SHISAL2A: variants seen among roughly 807,000 people sequenced by gnomAD.
SHISAL2A encodes protein shisa-like-2A.
A neutral mutation model predicts 11.5 loss-of-function variants in SHISAL2A; 18 were observed. The observed-to-expected ratio is 1.57, with a 90% confidence interval of 1.08 to 2.33. SHISAL2A has a LOEUF of 2.33. Among genes scored for constraint, SHISAL2A ranks in the 30% most tolerant of loss-of-function variants. SHISAL2A has a pLI of 0.00. For missense variants in SHISAL2A, 261 were observed against 250.9 expected (o/e 1.04, Z -0.27); for synonymous variants, 94 against 99.6 (o/e 0.94, Z 0.34).
intron 2 of SHISAL2A, among the ~76,000 whole-genome samples, chr1:52,650,804 C>T (rs1240761779): frequency 6.6e-6 from 1 of 151,634 alleles, no homozygotes; most frequent in Admixed American, 6.6e-5. Context: ...GCCACCACAC[C>T]CGGCTAATTT....
chr1:52,668,120 T>C (rs562893763), intron 5 of SHISAL2A, among the ~76,000 whole-genome samples: 1 of 152,322 alleles, frequency 6.6e-6, no homozygotes, highest in Admixed American at 6.5e-5. Context: ...AATTCTGTTC[T>C]CTCAAAATCA....
At chr1:52,654,655 A>G (rs1050594382) in intron 2 of SHISAL2A, among the ~76,000 whole-genome samples, 3 of 152,254 alleles carry the variant, frequency 2.0e-5, no homozygotes, top group Non-Finnish European at 2.9e-5. Context: ...ATCTCAAAAA[A>G]GATCTAAATG....
intron 2 of SHISAL2A, among the ~76,000 whole-genome samples, chr1:52,654,246 T>TAGAC (rs1288939670): frequency 6.6e-6 from 1 of 151,142 alleles, no homozygotes; most frequent in East Asian, 1.9e-4. Flanking sequence ...GATAGATAGA[T>TAGAC]AGATAGATAG....
At chr1:52,642,689 G>T (rs1015824195) in intron 1 of SHISAL2A, among the ~76,000 whole-genome samples, 174 bp from the exon 2 acceptor site, 4 of 152,156 alleles carry the variant, frequency 2.6e-5, no homozygotes, top group Non-Finnish European at 5.9e-5. Context: ...CTCCCAAATT[G>T]CTGGGATTAC....
chr1:52,668,278 C>A (rs986209011), intron 5 of SHISAL2A, among the ~76,000 whole-genome samples: 2 of 152,174 alleles, frequency 1.3e-5, no homozygotes, highest in East Asian at 1.9e-4. Flanking sequence ...GCCCAAAGAA[C>A]TGAACAGTCT....
chr1:52,668,652 C>T (rs1464660977), exon 6 of SHISAL2A: 1 of 152,258 alleles, frequency 6.6e-6, no homozygotes, highest in East Asian at 1.9e-4. Context: ...GAGTGAACGT[C>T]TAGGAGACCA....
intron 2 of SHISAL2A, among the ~76,000 whole-genome samples, chr1:52,653,286 CAAAAAAAAA>C (rs59878820): frequency 2.7e-5 from 1 of 36,440 alleles, no homozygotes; most frequent in African/African-American, 9.0e-5. Flanking sequence ...CCTGTCTCTA[CAAAAAAAAA>C]AAAAAAAAAA....
intron 1 of SHISAL2A, among the ~76,000 whole-genome samples, chr1:52,639,791 G>A (rs1043815243): frequency 7.9e-5 from 12 of 151,936 alleles, no homozygotes; most frequent in African/African-American, 2.9e-4. Context: ...TAAAAGATCT[G>A]AAAACATTTT....
chr1:52,644,949 G>A (rs1208614070), intron 2 of SHISAL2A, among the ~76,000 whole-genome samples: 1 of 151,428 alleles, frequency 6.6e-6, no homozygotes, highest in Non-Finnish European at 1.5e-5. Context: ...CCCGGGAGGC[G>A]GAGCTTGCAG....
chr1:52,654,043 C>T (rs1691732652), intron 2 of SHISAL2A, among the ~76,000 whole-genome samples: 1 of 152,090 alleles, frequency 6.6e-6, no homozygotes, highest in Non-Finnish European at 1.5e-5. Context: ...GCTGCTCAGA[C>T]CCCCACAATT....
chr1:52,651,003 T>TA lies in SHISAL2A; in HGVS notation c.323-5777dup, dbSNP rs112328962. Among the ~76,000 whole-genome samples, 1,363 of 144,644 alleles carry TA rather than the reference T, an allele frequency of 9.4e-3. 14 individuals carry two copies. The highest frequency in any genetic ancestry group is 0.014 in the Non-Finnish European group (907 of 65,520). The allele number at this position is 144,644 out of a possible 152,430, so 94.9% of individuals were successfully genotyped here. A position where few individuals can be genotyped will look rare whatever the true frequency, so the allele number is the denominator to read the frequency against. ...TAAGCCAAAAATGTAATGTAATTGC[T>TA]AAAAAAAAAAGTGAGTGGAACCTCA... On this transcript the variant is annotated intron_variant, in intron 2 of 2. Coordinates refer to ENST00000517870, the MANE Select transcript of SHISAL2A (RefSeq NM_001042693.3).
chr1:52,659,117 G>A (rs777790722), downstream of SHISAL2A, among the ~76,000 whole-genome samples: 1 of 151,928 alleles, frequency 6.6e-6, no homozygotes, highest in Non-Finnish European at 1.5e-5. Flanking sequence ...CACCAGGCTG[G>A]AGTGCAGTGG....
At chr1:52,662,529 TA>T (rs1222887527) in intron 4 of SHISAL2A, among the ~76,000 whole-genome samples, 9 of 149,740 alleles carry the variant, frequency 6.0e-5, no homozygotes, top group African/African-American at 2.0e-4. Context: ...TTTTTTTTTT[TA>T]AATAAAGATG....
chr1:52,635,358 C>T (rs1017043172), intron 1 of SHISAL2A, among the ~76,000 whole-genome samples: 1 of 149,700 alleles, frequency 6.7e-6, no homozygotes, highest in South Asian at 2.2e-4. Context: ...TCATTCCCCA[C>T]CCCCCACCCC....
rs1407491962 is a variant in SHISAL2A at position 52,642,892 on chromosome 1, C to G, written c.212C>G (p.Ala71Gly). 1.2e-6 allele frequency: 2 copies of G among 1,613,740 alleles called. No homozygotes were observed. Among genetic ancestry groups the G allele is most frequent in the Non-Finnish European group, 8.5e-7 (1 of 1,180,008 alleles). The change falls in exon 2 of 3, where the codon GCA becomes GGA. Residue 71 changes from alanine (A) to glycine (G), a missense_variant. Transcript: ENST00000517870. ...GGCGCTCTCATAGGCCTGTCCGTAG[C>G]AGCAGTGGTTCTTCTCGCCTTCATT... ...SIGALIGLSV[A>G]AVVLLAFIVT...
chr1:52,665,737 C>A (rs1691998535), intron 4 of SHISAL2A, among the ~76,000 whole-genome samples: 2 of 151,706 alleles, frequency 1.3e-5, no homozygotes, highest in East Asian at 3.9e-4. Context: ...CAAGCACCAT[C>A]CCCCCCCACT....
chr1:52,646,099 ATTGGCAATGTATGTAAACATT>A (rs1227418314), intron 2 of SHISAL2A, among the ~76,000 whole-genome samples: 1 of 152,218 alleles, frequency 6.6e-6, no homozygotes, highest in Non-Finnish European at 1.5e-5. Context: ...CCCTAGGACA[ATTGGCAATGTATGTAAACATT>A]TTTGGTTGTC....
In SHISAL2A at chr1:52,656,984, G is replaced by A; in HGVS notation, c.517G>A (p.Gly173Ser). 6.2e-7 allele frequency: 1 copy of A among 1,614,160 alleles called. No homozygotes were observed. The highest frequency in any genetic ancestry group is 2.2e-5 in the East Asian group (1 of 44,888). ...CACAGTGACCACCAGTGACATTCCA[G>A]GCAGCCCTGAGGAAGCCTCTGTACC... ...MATVTTSDIP[G>S]SPEEASVPNP... The change falls in exon 3 of 3, where the codon GGC (glycine) becomes AGC (serine). Residue 173 changes from glycine to serine, a missense_variant. Coordinates refer to ENST00000517870, the MANE Select transcript of SHISAL2A (RefSeq NM_001042693.3).
chr1:52,643,911 G>A (rs1691432459), intron 2 of SHISAL2A, among the ~76,000 whole-genome samples: 1 of 151,872 alleles, frequency 6.6e-6, no homozygotes, highest in South Asian at 2.1e-4. Flanking sequence ...AGGGAGGGAA[G>A]GAGGGAGTAA....
Sources: allele counts gnomAD v4.1 joint callset (sites outside exome capture counted in the v4.1 genomes callset), GRCh38; gene constraint gnomAD v4.1.1; transcripts MANE v1.5; gene names NCBI Gene and HGNC (gene_info 2026-07-23, HGNC 2026-07-21).